SNX27: variants seen among roughly 807,000 people sequenced by gnomAD.
SNX27 encodes the protein sorting nexin 27.
Under a neutral mutation model 71.6 loss-of-function variants are expected in SNX27, and 22 were observed. The observed-to-expected ratio is 0.31, with a 90% CI of 0.22 to 0.44. The LOEUF is 0.44. Ranked by LOEUF, SNX27 falls within the 20% of genes least tolerant of loss-of-function variation. The probability of loss-of-function intolerance (pLI) is 1.00; values close to 1 mark genes in which losing one functional copy is unlikely to be tolerated. For missense variants in SNX27, 531 were observed against 698.6 expected (o/e 0.76, Z 2.70); for synonymous variants, 269 against 277.2 (o/e 0.97, Z 0.29).
rs78634843 is a variant in SNX27, at chr1:151,614,177, GA to G, written c.311+1678del. Reference sequence around the variant, plus strand: ...TGGTTTTAACCTGGGAGAGTTGATTGAAAAAAAAAAAAAGAAATAGTTGCTC... The same window carrying G: ...TGGTTTTAACCTGGGAGAGTTGATTGAAAAAAAAAAAAGAAATAGTTGCTC... On this transcript the variant is annotated intron_variant, in intron 1 of 11. Coordinates refer to ENST00000458013, the MANE Select transcript of SNX27 (RefSeq NM_001330723.2). The G allele has an allele frequency of 7.2e-3, 973 of 134,968 alleles. 2 individuals are homozygous for G. The highest frequency in any genetic ancestry group is 0.021 in the African/African-American group (782 of 36,808). 8.4% of individuals were successfully genotyped at this position (134,968 alleles called of 1,614,324 possible). A position where few individuals can be genotyped will look rare whatever the true frequency, so the allele number is the denominator to read the frequency against.
At chr1:151,651,519 C>T (rs1344993772) in intron 2 of SNX27, among the ~76,000 whole-genome samples, 1 of 149,942 alleles carries the variant, frequency 6.7e-6, no homozygotes, top group East Asian at 2.0e-4. Context: ...CTCCTCACTT[C>T]TCAGACGGGG....
In SNX27 at chr1:151,694,123, G is replaced by T. The variant is rs534165386; in HGVS notation, c.1579-247G>T. 3.9e-6 allele frequency: 5 copies of T among 1,274,336 alleles called. No homozygotes were observed. In the African/African-American group the frequency reaches 6.1e-5, roughly 16 times the overall value. 78.9% of individuals were successfully genotyped at this position (1,274,336 alleles called of 1,614,324 possible). A position where few individuals can be genotyped will look rare whatever the true frequency, so the allele number is the denominator to read the frequency against. On this transcript the variant is annotated intron_variant, in intron 11 of 11. Coordinates refer to ENST00000458013, the MANE Select transcript of SNX27 (RefSeq NM_001330723.2). ...TTTTTTTTCCCTCTGTGTAATTTTGGGTAAATCAGCCTCCCTAGCTTTCAG... is the reference window on the plus strand; with the variant it reads ...TTTTTTTTCCCTCTGTGTAATTTTGTGTAAATCAGCCTCCCTAGCTTTCAG...
chr1:151,624,988 C>T (rs1040060377), intron 1 of SNX27, among the ~76,000 whole-genome samples: 1 of 152,140 alleles, frequency 6.6e-6, no homozygotes, highest in African/African-American at 2.4e-5. Flanking sequence ...CTTCTTCTGC[C>T]TCAGGCAGCA....
At position 151,669,837 on chromosome 1, in the gene SNX27, T is replaced by C. The variant is rs751639802; in HGVS notation, c.1149+1202T>C. ...AGGCATATGGTGTGTAATAATCACA[T>C]CACAGAAAATGAGGTATCCATCCCC... On this transcript the variant is annotated intron_variant, in intron 7 of 11. Coordinates refer to ENST00000458013, the MANE Select transcript of SNX27 (RefSeq NM_001330723.2). Among the ~76,000 whole-genome samples the C allele has an allele frequency of 8.8e-4, 134 of 152,282 alleles. 3 individuals carry two copies. The highest frequency in any genetic ancestry group is 3.4e-3 in the Middle Eastern group (1 of 294).
At position 151,668,509 on chromosome 1, in the gene SNX27, C is replaced by T; in HGVS notation, c.1023C>T (p.Leu341=). Residue 341 remains leucine (L), a synonymous_variant, in exon 7 of 12, where the codon CTC becomes CTT. Transcript: ENST00000458013. ...KLAPNEFPHK[L]YIQNYTSAVP... ...CACCTAATGAGTTTCCTCACAAACT[C>T]TACATTCAGAATTATACATCAGCTG... The T allele has an allele frequency of 6.2e-7, 1 of 1,613,688 alleles. No homozygotes were observed.
In SNX27 at chr1:151,628,492, G is replaced by T. The variant is rs1356483494; in HGVS notation, c.312-10396G>T. Among the ~76,000 whole-genome samples, 3 of 152,090 alleles carry T rather than the reference G, an allele frequency of 2.0e-5. No homozygotes were observed. The East Asian group carries it at 5.8e-4, about 29-fold the overall frequency. ...GTTTTTGTGTAGATGTAAGTTTTCAGCTCAGTTGGGTAAATACCTGGGAAT... is the reference window on the plus strand; with the variant it reads ...GTTTTTGTGTAGATGTAAGTTTTCATCTCAGTTGGGTAAATACCTGGGAAT... On this transcript the variant is annotated intron_variant, in intron 1 of 11. Transcript: ENST00000458013.
Position 151,657,067 on chromosome 1 carries a change from G to A in SNX27, c.544-1168G>A, listed in dbSNP as rs182543080. ...CATAAGGATGTGGAATAGAGGAGGC[G>A]GAGACTATATGGTGTAAAGTAAATT... On this transcript the variant is annotated intron_variant, in intron 2 of 11. Transcript: ENST00000458013. Among the ~76,000 whole-genome samples the A allele has an allele frequency of 7.6e-4, 115 of 152,294 alleles. 2 individuals carry two copies. In the East Asian group the frequency reaches 0.015, roughly 19 times the overall value.
At chr1:151,667,816 G>A (rs1445690329) in intron 6 of SNX27, among the ~76,000 whole-genome samples, 4 of 111,800 alleles carry the variant, frequency 3.6e-5, no homozygotes, top group Admixed American at 1.2e-4. Context: ...GACAGAGCGA[G>A]ACTCCGTCTC....
At chr1:151,681,235 CT>C (rs762924986) in intron 7 of SNX27, among the ~76,000 whole-genome samples, 1,225 of 60,592 alleles carry the variant, frequency 0.02, 7 homozygotes, top group African/African-American at 0.069. Flanking sequence ...GTCTCTCAAT[CT>C]TTTTTTTTTT....
chr1:151,642,095 G>A (rs112014518), intron 2 of SNX27, among the ~76,000 whole-genome samples: 3,371 of 151,238 alleles, frequency 0.022, 124 homozygotes, highest in African/African-American at 0.078. Context: ...TAAGCCAGGC[G>A]CAGTGGTTCA....
rs1191425793 is a variant in SNX27 at position 151,691,511 on chromosome 1, C to G, written c.1240-924C>G. 2.1e-5 allele frequency among the ~76,000 whole-genome samples: 3 copies of G among 141,734 alleles called. No homozygotes were observed. The East Asian group carries it at 6.6e-4, about 31-fold the overall frequency. The allele number at this position is 141,734 out of a possible 152,430, so 93.0% of individuals were successfully genotyped here. ...CTTGAGACAGAGTCTTGCTCTGTCT[C>G]CCAGGCTGGAGTGCAGTGGCGCAAT... On this transcript the variant is annotated intron_variant, in intron 8 of 11. Transcript: ENST00000458013.
Position 151,613,899 on chromosome 1 carries a change from T to C in SNX27, c.311+1387T>C, listed in dbSNP as rs1022939328. ...ATTCCTTTTTTACACTTTTACTCTC[T>C]CCCTCCATATTTCGATTTGCCCACT... On this transcript the variant is annotated intron_variant, in intron 1 of 11. Coordinates refer to ENST00000458013, the MANE Select transcript of SNX27 (RefSeq NM_001330723.2). The C allele has an allele frequency of 2.6e-5, 4 of 152,120 alleles. 1 individual carries two copies. The highest frequency in any genetic ancestry group is 9.7e-5 in the African/African-American group (4 of 41,426). 9.4% of individuals were successfully genotyped at this position (152,120 alleles called of 1,614,324 possible). A position where few individuals can be genotyped will look rare whatever the true frequency, so the allele number is the denominator to read the frequency against.
At chr1:151,644,195 T>C (rs1032765518) in intron 2 of SNX27, among the ~76,000 whole-genome samples, 8 of 152,252 alleles carry the variant, frequency 5.3e-5, no homozygotes, top group African/African-American at 1.9e-4. Context: ...TTCTTACATG[T>C]CTTATGACTC....
intron 1 of SNX27, among the ~76,000 whole-genome samples, chr1:151,615,266 G>A (rs150437978): frequency 6.6e-6 from 1 of 151,940 alleles, no homozygotes; most frequent in African/African-American, 2.4e-5. Flanking sequence ...ACCTTCTTTG[G>A]TACTATAGGG....
chr1:151,660,978 T>C, intron 4 of SNX27, 116 bp downstream of exon 4: 1 of 763,144 alleles, frequency 1.3e-6, no homozygotes, highest in Non-Finnish European at 2.3e-6. Flanking sequence ...GACTCCATTT[T>C]TTCTACTTCC....
chr1:151,664,260 A>G (rs1287499817), intron 5 of SNX27, among the ~76,000 whole-genome samples: 6 of 146,540 alleles, frequency 4.1e-5, no homozygotes, highest in Non-Finnish European at 9.1e-5. Context: ...ATAATAATTT[A>G]GTCTCAGGTT....
intron 1 of SNX27, chr1:151,613,414 T>A (rs1667283831): frequency 6.6e-6 from 1 of 152,626 alleles, no homozygotes; most frequent in African/African-American, 2.4e-5. Context: ...TAACTCCTCC[T>A]CCTTCAAAAC....
rs1282543096 is a variant in SNX27 at position 151,612,253 on chromosome 1, G to C, written c.52G>C (p.Gly18Arg). The stretch of plus-strand genomic sequence containing the variant: ...TCATCCCTCAGCCCCTCACAGGAAC[G>C]GAGGTGGCGGCGGCGGCGGGGGGTC... The part of the protein sequence containing the change: ...GIHPSAPHRN[G>R]GGGGGGGSGL... The change falls in exon 1 of 12, where the codon GGA (glycine) becomes CGA (arginine). Residue 18 changes from glycine to arginine, a missense_variant. Gly to Arg is a moderately radical substitution (Grantham distance 125). Transcript: ENST00000458013. The surrounding 1 kb of genome is among the most constrained non-coding windows in gnomAD (Gnocchi z 5.2). 2 of 1,442,954 alleles carry C rather than the reference G, an allele frequency of 1.4e-6. No individual in the cohort carries two copies. The highest frequency in any genetic ancestry group is 1.8e-6 in the Non-Finnish European group (2 of 1,101,026). The allele number at this position is 1,442,954 out of a possible 1,614,324, so 89.4% of individuals were successfully genotyped here. A position where few individuals can be genotyped will look rare whatever the true frequency, so the allele number is the denominator to read the frequency against.
chr1:151,672,950 G>A (rs1670507572), intron 7 of SNX27, among the ~76,000 whole-genome samples: 1 of 146,854 alleles, frequency 6.8e-6, no homozygotes, highest in Non-Finnish European at 1.5e-5. Context: ...CTCTTTTTTT[G>A]TATTTTTTTA....
Sources: allele counts gnomAD v4.1 joint callset (sites outside exome capture counted in the v4.1 genomes callset), GRCh38; gene constraint gnomAD v4.1.1; non-coding constraint Gnocchi (gnomAD v3.1); transcripts MANE v1.5; gene names NCBI Gene and HGNC (gene_info 2026-07-23, HGNC 2026-07-21).